Variants in PTPRM observed in about 807,000 individuals in gnomAD.
PTPRM encodes the protein protein tyrosine phosphatase receptor type M, also known as receptor-type tyrosine-protein phosphatase mu.
PTPRM carries 47 observed loss-of-function variants against 186.7 expected under a neutral mutation model. The ratio of observed to expected loss-of-function variants is 0.25; its 90% CI spans 0.20 to 0.32. The LOEUF (loss-of-function observed/expected upper bound fraction) is 0.32, where lower values mean the gene tolerates loss of function less well. Ranked by LOEUF, PTPRM falls within the 10% of genes least tolerant of loss-of-function variation. PTPRM has a pLI of 1.00. For synonymous variants in PTPRM, 668 were observed against 674.9 expected, an observed-to-expected ratio of 0.99 and a Z score of 0.16; for missense variants, 1,494 against 1,865.0, an observed-to-expected ratio of 0.80 and a Z score of 3.66.
intron 13 of PTPRM, among the ~76,000 whole-genome samples, chr18:8,141,678 CAT>C (rs1273168531): frequency 6.6e-6 from 1 of 152,078 alleles, no homozygotes; most frequent in Non-Finnish European, 1.5e-5. Flanking sequence ...CATTTAGTGA[CAT>C]AACTTAGTTA....
At chr18:7,875,528 A>C (rs1599217037) in intron 2 of PTPRM, among the ~76,000 whole-genome samples, 1 of 151,730 alleles carries the variant, frequency 6.6e-6, no homozygotes, top group African/African-American at 2.4e-5. Flanking sequence ...GTTTCACCAT[A>C]TTGGCCAGGC....
At chr18:7,796,331 T>C (rs2043644622) in intron 2 of PTPRM, among the ~76,000 whole-genome samples, 1 of 152,128 alleles carries the variant, frequency 6.6e-6, no homozygotes, top group African/African-American at 2.4e-5. Context: ...TAACTTTGAA[T>C]TTTGAGGAAA....
intron 1 of PTPRM, among the ~76,000 whole-genome samples, chr18:7,730,987 T>C (rs2040646479): frequency 6.6e-6 from 1 of 152,228 alleles, no homozygotes; most frequent in South Asian, 2.1e-4. Context: ...AGACTCTGCC[T>C]GGAAATTCAG....
intron 7 of PTPRM, among the ~76,000 whole-genome samples, chr18:8,019,461 T>C (rs948581533): frequency 2.0e-5 from 3 of 152,184 alleles, no homozygotes; most frequent in Non-Finnish European, 2.9e-5. Flanking sequence ...TTAGGATTTG[T>C]TGGTCATATT....
chr18:7,735,138 T>C (rs542134090), intron 1 of PTPRM, among the ~76,000 whole-genome samples: 2 of 152,298 alleles, frequency 1.3e-5, no homozygotes, highest in East Asian at 3.9e-4. Context: ...GAGATCTGGC[T>C]GGGCATGATG....
chr18:8,264,084 A>G (rs1033026771), intron 19 of PTPRM, among the ~76,000 whole-genome samples: 7 of 152,162 alleles, frequency 4.6e-5, no homozygotes, highest in Non-Finnish European at 7.4e-5. Flanking sequence ...AGAAAGTGTC[A>G]GAGTGGAAGC....
chr18:8,001,746 GAGCTCT>G (rs1205269893), intron 7 of PTPRM, among the ~76,000 whole-genome samples: 4 of 152,094 alleles, frequency 2.6e-5, no homozygotes, highest in African/African-American at 9.7e-5. Context: ...TTTCTTTGCT[GAGCTCT>G]AGCAGCCAGT....
intron 11 of PTPRM, among the ~76,000 whole-genome samples, chr18:8,113,011 T>C (rs2091823691): frequency 6.6e-6 from 1 of 152,222 alleles, no homozygotes; most frequent in Non-Finnish European, 1.5e-5. Context: ...TTAACATGAA[T>C]CACTACACAT....
At chr18:8,162,273 AC>A (rs1377435540) in intron 14 of PTPRM, among the ~76,000 whole-genome samples, 1 of 151,672 alleles carries the variant, frequency 6.6e-6, no homozygotes, top group Non-Finnish European at 1.5e-5. Flanking sequence ...CTAATTTTTT[AC>A]ATTTTTAGTA....
At chr18:8,239,613 C>T (rs1601412129) in intron 14 of PTPRM, among the ~76,000 whole-genome samples, 1 of 152,310 alleles carries the variant, frequency 6.6e-6, no homozygotes, top group African/African-American at 2.4e-5. Flanking sequence ...GGTTTCTGTT[C>T]ATGAAGTTCA....
At chr18:8,091,322 G>C (rs766770953) in intron 11 of PTPRM, among the ~76,000 whole-genome samples, 1 of 152,146 alleles carries the variant, frequency 6.6e-6, no homozygotes, top group Non-Finnish European at 1.5e-5. Flanking sequence ...TATGCTCCTT[G>C]AATTTGCCAG....
chr18:7,666,140 A>G (rs1254844515), intron 1 of PTPRM, among the ~76,000 whole-genome samples: 1 of 152,214 alleles, frequency 6.6e-6, no homozygotes, highest in Admixed American at 6.5e-5. Context: ...AGGCAAAGCT[A>G]TTGAAGTTTT....
rs996643869 is a variant in PTPRM at position 7,668,856 on chromosome 18, T to C, written c.73+100965T>C. ...AGTCACCACCTTCTAGAATACTATA[T>C]AATTTGTCTTTTAATTATCTTTGTT... On this transcript the variant is annotated intron_variant, in intron 1 of 32. Coordinates refer to ENST00000580170, the MANE Select transcript of PTPRM (RefSeq NM_001105244.2). This position sits in a 1 kb window ranked among gnomAD's most constrained non-coding sequence, Gnocchi z 4.7. 1.3e-5 allele frequency among the ~76,000 whole-genome samples: 2 copies of C among 152,094 alleles called. No homozygotes were observed. Among genetic ancestry groups the C allele is most frequent in the African/African-American group, 2.4e-5 (1 of 41,426 alleles).
At chr18:8,145,609 G>T (rs1044761816) in intron 14 of PTPRM, among the ~76,000 whole-genome samples, 9 of 152,172 alleles carry the variant, frequency 5.9e-5, no homozygotes, top group Non-Finnish European at 1.2e-4. Context: ...TGCTGAGAAT[G>T]ATGGTTTCCA....
At chr18:8,187,979 C>T (rs2093664434) in intron 14 of PTPRM, among the ~76,000 whole-genome samples, 1 of 152,122 alleles carries the variant, frequency 6.6e-6, no homozygotes, top group South Asian at 2.1e-4. Flanking sequence ...TGTTTCTTTC[C>T]AGTCATTCTT....
intron 1 of PTPRM, among the ~76,000 whole-genome samples, chr18:7,618,189 G>A (rs1314150117): frequency 6.6e-6 from 1 of 152,126 alleles, no homozygotes; most frequent in African/African-American, 2.4e-5. Flanking sequence ...TCTGGAAGTG[G>A]TTACTTAATA....
intron 2 of PTPRM, among the ~76,000 whole-genome samples, chr18:7,862,024 A>G (rs1300397615): frequency 2.1e-5 from 3 of 146,220 alleles, no homozygotes; most frequent in Non-Finnish European, 4.4e-5. Flanking sequence ...ACAGAAAGAC[A>G]TGAGCATTTA....
chr18:7,640,472 G>T (rs939602330), intron 1 of PTPRM, among the ~76,000 whole-genome samples: 6 of 152,114 alleles, frequency 3.9e-5, no homozygotes, highest in Non-Finnish European at 8.8e-5. Context: ...AGAGTCCCCA[G>T]TTGAAACTAG....
At chr18:8,348,263 C>G (rs548744536) in intron 23 of PTPRM, among the ~76,000 whole-genome samples, 6 of 152,220 alleles carry the variant, frequency 3.9e-5, no homozygotes, top group Non-Finnish European at 8.8e-5. Flanking sequence ...CTGCTTCCCC[C>G]CATTTTGCCC....
Sources: allele counts gnomAD v4.1 joint callset (sites outside exome capture counted in the v4.1 genomes callset), GRCh38; gene constraint gnomAD v4.1.1; non-coding constraint Gnocchi (gnomAD v3.1); transcripts MANE v1.5; gene names NCBI Gene and HGNC (gene_info 2026-07-23, HGNC 2026-07-21).